The following ADARB2 variants were observed in gnomAD, a reference collection of about 807,000 sequenced individuals.
The protein encoded by ADARB2 is adenosine deaminase RNA specific B2 (inactive), also known as inactive double-stranded RNA-specific editase B2.
Under a neutral mutation model 62.2 loss-of-function variants are expected in ADARB2, and 25 were observed. The ratio of observed to expected loss-of-function variants is 0.40; its 90% confidence interval spans 0.29 to 0.56. The LOEUF is 0.56. Ranked by LOEUF, ADARB2 falls within the 20% of genes least tolerant of loss-of-function variation. The probability of loss-of-function intolerance (pLI) is 0.43; values close to 1 mark genes in which losing one functional copy is unlikely to be tolerated. For missense variants in ADARB2, 1,071 were observed against 1,077.4 expected, an observed-to-expected ratio of 0.99 and a Z score of 0.08; for synonymous variants, 572 against 500.8, an observed-to-expected ratio of 1.14 and a Z score of -1.90.
chr10:1,232,740 A>AGT (rs146222899), intron 6 of ADARB2, among the ~76,000 whole-genome samples: 121,245 of 150,874 alleles, frequency 0.8, 49,138 homozygotes, highest in East Asian at 0.99. Flanking sequence ...ATGTGACATG[A>AGT]GTAGTGTATG....
chr10:1,677,347 G>A (rs988460445), intron 1 of ADARB2, among the ~76,000 whole-genome samples: 1 of 152,202 alleles, frequency 6.6e-6, no homozygotes, highest in African/African-American at 2.4e-5. Flanking sequence ...AGGTGCAAAA[G>A]GTTTGTTTAA....
intron 1 of ADARB2, among the ~76,000 whole-genome samples, chr10:1,496,565 T>C (rs544982638): frequency 6.6e-6 from 1 of 152,256 alleles, no homozygotes; most frequent in South Asian, 2.1e-4. Context: ...GTCATCATCA[T>C]AACCATCATT....
At chr10:1,733,521 G>T (rs1835260530) in intron 1 of ADARB2, among the ~76,000 whole-genome samples, 1 of 152,106 alleles carries the variant, frequency 6.6e-6, no homozygotes. Context: ...ATACTACCCT[G>T]AAGTTATTCC....
intron 7 of ADARB2, among the ~76,000 whole-genome samples, chr10:1,206,440 A>G (rs1349024833): frequency 1.4e-5 from 2 of 143,564 alleles, no homozygotes; most frequent in Admixed American, 1.4e-4. Flanking sequence ...CGTCTCCTCC[A>G]ACTGGGGCGT....
rs775347360 is a variant in ADARB2 at position 1,604,921 on chromosome 10, G to T, written c.100+132130C>A. On this transcript the variant is annotated intron_variant, in intron 1 of 9. Coordinates refer to ENST00000381312, the MANE Select transcript of ADARB2 (RefSeq NM_018702.4). ...ATTTTATCATTTCTGCTATGACGGA[G>T]ATGCATACTATAGCCAAAACTCAGA... Among the ~76,000 whole-genome samples the T allele has an allele frequency of 3.9e-5, 6 of 152,148 alleles. No homozygotes were observed. The South Asian group carries it at 6.2e-4, about 16-fold the overall frequency.
At chr10:1,514,167 C>T (rs917105428) in intron 1 of ADARB2, among the ~76,000 whole-genome samples, 5 of 33,980 alleles carry the variant, frequency 1.5e-4, no homozygotes, top group Admixed American at 4.4e-4. Context: ...CAGTGTGAGA[C>T]GCTGTCTCAA....
intron 7 of ADARB2, among the ~76,000 whole-genome samples, chr10:1,213,200 GAGAGACAGAGATGGGCACACAGAGAA>G (rs1252841158): frequency 6.8e-6 from 1 of 146,836 alleles, no homozygotes; most frequent in East Asian, 2.0e-4. Context: ...AAAAGACAAA[GAGAGACAGAGATGGGCACACAGAGAA>G]AGAGACAGAG....
At chr10:1,665,807 C>T (rs1201301477) in intron 1 of ADARB2, among the ~76,000 whole-genome samples, 1 of 152,200 alleles carries the variant, frequency 6.6e-6, no homozygotes, top group Non-Finnish European at 1.5e-5. Flanking sequence ...CAGAGAAGGC[C>T]TCAGGCCAGT....
chr10:1,678,844 C>T (rs1213421438), intron 1 of ADARB2, among the ~76,000 whole-genome samples: 1 of 151,946 alleles, frequency 6.6e-6, no homozygotes, highest in Non-Finnish European at 1.5e-5. Context: ...GGCACTTGTC[C>T]CTCCTGGACC....
At chr10:1,691,244 C>A (rs969677658) in intron 1 of ADARB2, among the ~76,000 whole-genome samples, 19 of 152,086 alleles carry the variant, frequency 1.2e-4, no homozygotes, top group African/African-American at 4.6e-4. Context: ...GGAGAAGACA[C>A]CCTCTACAAG....
At chr10:1,566,546 G>A (rs1162980887) in intron 1 of ADARB2, among the ~76,000 whole-genome samples, 1 of 152,062 alleles carries the variant, frequency 6.6e-6, no homozygotes, top group Non-Finnish European at 1.5e-5. Context: ...GGAAAAAGAA[G>A]TGCCTTCATT....
chr10:1,355,080 C>A (rs1449070962), intron 3 of ADARB2, among the ~76,000 whole-genome samples: 2 of 152,196 alleles, frequency 1.3e-5, no homozygotes, highest in Non-Finnish European at 2.9e-5. Flanking sequence ...GACATGATGC[C>A]CAGGTATGTG....
intron 1 of ADARB2, among the ~76,000 whole-genome samples, chr10:1,632,511 T>C (rs933151437): frequency 3.3e-5 from 5 of 152,262 alleles, no homozygotes; most frequent in African/African-American, 9.6e-5. Context: ...CTTGTGACCA[T>C]GCACCTGCCC....
At chr10:1,514,877 C>T (rs1242579297) in intron 1 of ADARB2, among the ~76,000 whole-genome samples, 2 of 152,138 alleles carry the variant, frequency 1.3e-5, no homozygotes, top group East Asian at 3.9e-4. Flanking sequence ...GTGGAGCCCT[C>T]TGTGCTCACG....
At chr10:1,280,290 T>C (rs1191596716) in intron 3 of ADARB2, among the ~76,000 whole-genome samples, 1 of 152,190 alleles carries the variant, frequency 6.6e-6, no homozygotes, top group Admixed American at 6.5e-5. Context: ...CAAAACATGA[T>C]GTCACCTGAG....
intron 1 of ADARB2, among the ~76,000 whole-genome samples, chr10:1,465,732 G>T (rs374688649): frequency 1.3e-5 from 2 of 152,320 alleles, no homozygotes; most frequent in African/African-American, 2.4e-5. Context: ...GACAGCTACT[G>T]CATGTGCACC....
At chr10:1,200,241 T>C (rs747181827) in intron 7 of ADARB2, 94 bp from the exon 8 acceptor site, 1 of 1,498,644 alleles carries the variant, frequency 6.7e-7, no homozygotes, top group South Asian at 1.2e-5. Context: ...TGAGGACCTG[T>C]CAGTCTTCCC....
intron 1 of ADARB2, among the ~76,000 whole-genome samples, chr10:1,633,596 C>G (rs201956128): frequency 8.9e-6 from 1 of 112,226 alleles, no homozygotes; most frequent in African/African-American, 2.7e-5. Context: ...ATCTATCTAT[C>G]TATCTATCTA....
In ADARB2 at chr10:1,661,869, G is replaced by T. The variant is rs566454430; in HGVS notation, c.100+75182C>A. ...ACTCAAGTCTCTGGGCAGCTTCACC[G>T]TCTTCCCTCTACGGAACCGCACTGC... On this transcript the variant is annotated intron_variant, in intron 1 of 9. Coordinates refer to ENST00000381312, the MANE Select transcript of ADARB2 (RefSeq NM_018702.4). Among the ~76,000 whole-genome samples the T allele has an allele frequency of 9.2e-5, 14 of 152,312 alleles. No individual in the cohort carries two copies. In the South Asian group the frequency reaches 2.9e-3, roughly 32 times the overall value.
Sources: allele counts gnomAD v4.1 joint callset (sites outside exome capture counted in the v4.1 genomes callset), GRCh38; gene constraint gnomAD v4.1.1; transcripts MANE v1.5; gene names NCBI Gene and HGNC (gene_info 2026-07-23, HGNC 2026-07-21).